The following VANGL1 variants were observed in gnomAD, a reference collection of about 807,000 sequenced individuals.
VANGL1 encodes vang-like protein 1.
VANGL1 carries 18 observed loss-of-function variants against 48.4 expected under a neutral mutation model. The ratio of observed to expected loss-of-function variants is 0.37; its 90% confidence interval spans 0.26 to 0.55. The LOEUF is 0.55. Among genes scored for constraint, VANGL1 ranks in the 20% least tolerant of loss-of-function variants. VANGL1 has a pLI of 0.81. For synonymous variants in VANGL1, 257 were observed against 261.8 expected (o/e 0.98, Z 0.18); for missense variants, 667 against 675.8 (o/e 0.99, Z 0.14).
At position 115,684,062 on chromosome 1, in the gene VANGL1, G is replaced by T. The variant is rs776038790; in HGVS notation, c.1065G>T (p.Lys355Asn). 1 of 1,613,818 alleles carries T rather than the reference G, an allele frequency of 6.2e-7. No homozygotes were observed. The highest frequency in any genetic ancestry group is 1.3e-5 in the African/African-American group (1 of 75,042). Residue 355 changes from lysine to asparagine, a missense_variant, in exon 6 of 8, where the codon AAG becomes AAT. Coordinates refer to ENST00000355485, the MANE Select transcript of VANGL1 (RefSeq NM_138959.3). ...YEEAEHERRVKKRKARLVVAV... is the reference protein window; with the variant it reads ...YEEAEHERRVNKRKARLVVAV... ...AGGCCGAACATGAACGGCGAGTAAA[G>T]AAGCGGAAAGCAAGGTATACTGCCC...
At chr1:115,688,992 C>T (rs1653740211) in intron 7 of VANGL1, among the ~76,000 whole-genome samples, 4 of 135,382 alleles carry the variant, frequency 3.0e-5, no homozygotes, top group Middle Eastern at 3.9e-3. Flanking sequence ...GGGGTTTCAC[C>T]GTGTTAGCCA....
At position 115,664,216 on chromosome 1, in the gene VANGL1, G is replaced by A; in HGVS notation, c.760G>A (p.Val254Met). The change falls in exon 4 of 8, where the codon GTG becomes ATG. Residue 254 changes from valine to methionine, a missense_variant. Physicochemically the swap from Val to Met is conservative, Grantham distance 21. Transcript: ENST00000355485. ...RQLQPMFTLQ[V>M]VRSTDGESRF... ...GCTGCAGCCCATGTTCACGCTGCAG[G>A]TGGTCCGCTCCACCGATGGCGAGTC... is the stretch of plus-strand genomic sequence containing the variant. The A allele has an allele frequency of 1.2e-6, 2 of 1,614,130 alleles. No individual in the cohort carries two copies. The highest frequency in any genetic ancestry group is 1.7e-6 in the Non-Finnish European group (2 of 1,180,004).
Position 115,691,341 on chromosome 1 carries a change from A to G in VANGL1, c.1537A>G (p.Lys513Glu). The change falls in exon 8 of 8, where the codon AAA becomes GAA. Residue 513 changes from lysine (K) to glutamate (E), a missense_variant. By Grantham distance (56) the Lys-to-Glu change is moderately conservative. Transcript: ENST00000355485. ...SEEFIDPKSH[K>E]FVLRLQSETS... is the part of the protein sequence containing the mutation. The stretch of plus-strand genomic sequence containing the variant: ...AGAGTTCATAGACCCCAAATCTCAC[A>G]AATTTGTCCTTCGCTTACAGTCTGA... 1 of 1,614,176 alleles carries G rather than the reference A, an allele frequency of 6.2e-7. No homozygotes were observed. The highest frequency in any genetic ancestry group is 8.5e-7 in the Non-Finnish European group (1 of 1,180,036).
intron 2 of VANGL1, 72 bp from the exon 3 acceptor site, chr1:115,659,569 T>TA: frequency 6.3e-7 from 1 of 1,581,456 alleles, no homozygotes; most frequent in Non-Finnish European, 8.7e-7. Context: ...TTCAAAATGA[T>TA]ACTTACATTT....
chr1:115,678,000 T>C (rs1450901055), intron 4 of VANGL1, among the ~76,000 whole-genome samples: 2 of 152,218 alleles, frequency 1.3e-5, no homozygotes, highest in African/African-American at 4.8e-5. Context: ...GAAATACATA[T>C]TCAAGACTGA....
chr1:115,691,578 A>T lies in VANGL1; in HGVS notation c.*199A>T. On this transcript the variant is annotated 3_prime_UTR_variant, in exon 8 of 8. Coordinates refer to ENST00000355485, the MANE Select transcript of VANGL1 (RefSeq NM_138959.3). ...TGTCCACCCTGAAAAAGAGTGACTG[A>T]TGACATCTGACTTTTGTCGATGGGA... The T allele has an allele frequency of 1.7e-6, 1 of 604,190 alleles. No individual in the cohort carries two copies. Among genetic ancestry groups the T allele is most frequent in the Non-Finnish European group, 2.7e-6 (1 of 366,412 alleles). 37.4% of individuals were successfully genotyped at this position (604,190 alleles called of 1,614,324 possible).
intron 4 of VANGL1, among the ~76,000 whole-genome samples, chr1:115,681,503 G>GTTTTTTTTTTTTTTTT (rs368388367): frequency 2.6e-5 from 3 of 114,878 alleles, no homozygotes; most frequent in Non-Finnish European, 3.6e-5. Context: ...TTTTTTTGTT[G>GTTTTTTTTTTTTTTTT]TTTTTTTTGT....
chr1:115,680,271 C>T (rs891787137), intron 4 of VANGL1, among the ~76,000 whole-genome samples: 1 of 152,100 alleles, frequency 6.6e-6, no homozygotes, highest in African/African-American at 2.4e-5. Context: ...AGGCTGCACC[C>T]TGTCCCAGGC....
At chr1:115,653,613 G>A (rs1043358057) in intron 2 of VANGL1, among the ~76,000 whole-genome samples, 3 of 152,092 alleles carry the variant, frequency 2.0e-5, no homozygotes, top group East Asian at 1.9e-4. Flanking sequence ...TGACTTTCAC[G>A]CTTCGGGGCC....
In VANGL1 at chr1:115,696,859, A is replaced by G. The variant is rs947993498; in HGVS notation, c.*5480A>G. The G allele has an allele frequency of 3.9e-5, 6 of 152,212 alleles. No individual in the cohort carries two copies. Among genetic ancestry groups the G allele is most frequent in the African/African-American group, 1.4e-4 (6 of 41,464 alleles). The allele number at this position is 152,212 out of a possible 1,614,324, so 9.4% of individuals were successfully genotyped here. A position where few individuals can be genotyped will look rare whatever the true frequency, so the allele number is the denominator to read the frequency against. On this transcript the variant is annotated 3_prime_UTR_variant, in exon 8 of 8. Coordinates refer to ENST00000355485, the MANE Select transcript of VANGL1 (RefSeq NM_138959.3). Reference sequence around the variant, plus strand: ...CAAACATCAGCGTTTTGTCCTTGTCATAGTGGAAGAAAGACACTTACTTTA... The same window carrying G: ...CAAACATCAGCGTTTTGTCCTTGTCGTAGTGGAAGAAAGACACTTACTTTA...
chr1:115,689,783 C>T lies in VANGL1; in HGVS notation c.1315-1336C>T, dbSNP rs556372645. ...CCAGCCTGGCCAACATGGTGAAACC[C>T]CATCTCTACTAAAAACACAAAAATT... is the stretch of plus-strand genomic sequence containing the variant. On this transcript the variant is annotated intron_variant, in intron 7 of 7. Transcript: ENST00000355485. Among the ~76,000 whole-genome samples, 3 of 138,054 alleles carry T rather than the reference C, an allele frequency of 2.2e-5. 1 individual carries two copies. The South Asian group carries it at 7.5e-4, about 34-fold the overall frequency. 90.6% of individuals were successfully genotyped at this position (138,054 alleles called of 152,430 possible). A position where few individuals can be genotyped will look rare whatever the true frequency, so the allele number is the denominator to read the frequency against.
At chr1:115,691,048 A>G (rs1273772285) in intron 7 of VANGL1, 71 bp from the exon 8 acceptor site, 2 of 1,609,926 alleles carry the variant, frequency 1.2e-6, no homozygotes, top group Non-Finnish European at 1.7e-6. Context: ...GTGAGAGTGG[A>G]TAGCCGCCTG....
intron 7 of VANGL1, among the ~76,000 whole-genome samples, chr1:115,689,771 C>T (rs1361772590): frequency 1.4e-5 from 2 of 138,294 alleles, no homozygotes; most frequent in East Asian, 4.1e-4. Context: ...GCCTGGCCAA[C>T]ATGGTGAAAC....
At chr1:115,656,209 A>G (rs79678237) in intron 2 of VANGL1, among the ~76,000 whole-genome samples, 8,114 of 152,198 alleles carry the variant, frequency 0.053, 244 homozygotes, top group East Asian at 0.11. Context: ...TCCCAACTTC[A>G]TCCACTTCAT....
intron 4 of VANGL1, among the ~76,000 whole-genome samples, chr1:115,667,347 G>C (rs1652830922): frequency 6.6e-6 from 1 of 152,140 alleles, no homozygotes; most frequent in African/African-American, 2.4e-5. Flanking sequence ...ATGAAGTTTT[G>C]GGCTTATTTG....
At chr1:115,643,731 A>G (rs1322980945) in intron 1 of VANGL1, among the ~76,000 whole-genome samples, 4 of 152,208 alleles carry the variant, frequency 2.6e-5, no homozygotes, top group African/African-American at 7.2e-5. Flanking sequence ...CAACAGGACA[A>G]AACCATAAAG....
intron 2 of VANGL1, among the ~76,000 whole-genome samples, chr1:115,654,385 G>A (rs1298451904): frequency 6.6e-6 from 1 of 151,218 alleles, no homozygotes. Flanking sequence ...TCTCCAGAGG[G>A]TGTCCAGTTA....
At chr1:115,654,497 C>CT (rs1417190789) in intron 2 of VANGL1, among the ~76,000 whole-genome samples, 2 of 50,244 alleles carry the variant, frequency 4.0e-5, no homozygotes, top group Admixed American at 1.9e-4. Context: ...ATTGGTAGGG[C>CT]TAAAAAAAAA....
At position 115,659,746 on chromosome 1, in the gene VANGL1, T is replaced by C. The variant is rs1652478019; in HGVS notation, c.177T>C (p.Asn59=). ...CCACTGGAGAGCCCCTGTTGGGAAA[T>C]GATTCTACTCGGACAGAGGAAGTTC... is the stretch of plus-strand genomic sequence containing the variant. ...QPPTGEPLLG[N]DSTRTEEVQD... Residue 59 remains asparagine (N), a synonymous_variant, in exon 3 of 8, where the codon AAT becomes AAC. Transcript: ENST00000355485. 3 of 1,614,030 alleles carry C rather than the reference T, an allele frequency of 1.9e-6. No individual in the cohort carries two copies. The highest frequency in any genetic ancestry group is 1.7e-6 in the Non-Finnish European group (2 of 1,180,036).
Sources: gnomAD v4.1 joint callset for allele counts (sites outside exome capture counted in the v4.1 genomes callset) on GRCh38, gnomAD v4.1.1 for gene constraint, MANE v1.5 for transcripts, NCBI Gene and HGNC (gene_info 2026-07-23, HGNC 2026-07-21) for gene names.